The following GTPBP1 variants were observed in gnomAD, a reference collection of about 807,000 sequenced individuals.
GTPBP1 encodes the protein GTP-binding protein 1.
In GTPBP1, 23 loss-of-function variants were observed where a neutral mutation model predicts 62.0. That is an observed-to-expected ratio of 0.37 (90% CI 0.27 to 0.53). GTPBP1 has a LOEUF of 0.53. Among genes scored for constraint, GTPBP1 ranks in the 20% least tolerant of loss-of-function variants. GTPBP1 has a pLI of 0.89. For missense variants in GTPBP1, 640 were observed against 917.3 expected, an observed-to-expected ratio of 0.70 and a Z score of 3.90; for synonymous variants, 344 against 364.4, an observed-to-expected ratio of 0.94 and a Z score of 0.64.
Position 38,722,809 on chromosome 22 carries a change from G to A in GTPBP1, c.958+944G>A, listed in dbSNP as rs1342890157. ...TTTGGCTTGATTGTAGGAGAATCCA[G>A]TGTCCAGTTTGCTGGGCAGACTTCT... On this transcript the variant is annotated intron_variant, in intron 5 of 11. Transcript: ENST00000216044. The A allele has an allele frequency of 9.4e-6, 15 of 1,595,924 alleles. No homozygotes were observed. The East Asian group carries it at 3.1e-4, about 33-fold the overall frequency.
chr22:38,739,517 ACC>A, downstream of GTPBP1: 2 of 1,465,664 alleles, frequency 1.4e-6, no homozygotes, highest in Non-Finnish European at 1.9e-6. The surrounding 1 kb of genome is among the most constrained non-coding windows in gnomAD (Gnocchi z 6.7). Flanking sequence ...CCATGGGCTG[ACC>A]CCTTCTAGGC....
Position 38,727,912 on chromosome 22 carries a change from C to T in GTPBP1, c.1538-71C>T. On this transcript the variant is annotated intron_variant, in intron 9 of 11. Transcript: ENST00000216044. This position sits in a 1 kb window ranked among gnomAD's most constrained non-coding sequence, Gnocchi z 6.5. ...AGCTTAAGCGTATTTCATGCTTTCA[C>T]TCACTGCCTCCCGTTGTCCTGAAGC... 2 of 1,050,944 alleles carry T rather than the reference C, an allele frequency of 1.9e-6. No individual in the cohort carries two copies. Among genetic ancestry groups the T allele is most frequent in the South Asian group, 2.6e-5 (2 of 76,442 alleles). The allele number at this position is 1,050,944 out of a possible 1,614,324, so 65.1% of individuals were successfully genotyped here.
rs762847870 is a variant in GTPBP1 at position 38,717,020 on chromosome 22, A to C, written c.834+20A>C. On this transcript the variant is annotated intron_variant, in intron 4 of 11. Transcript: ENST00000216044. ...CTCATGGTGAGTGGGAGGCGCCCCA[A>C]GGAGGGGAGGCGTCAGCAGGGCTGC... 7 of 1,491,222 alleles carry C rather than the reference A, an allele frequency of 4.7e-6. No individual in the cohort carries two copies. The highest frequency in any genetic ancestry group is 1.4e-5 in the African/African-American group (1 of 72,508). The allele number at this position is 1,491,222 out of a possible 1,614,324, so 92.4% of individuals were successfully genotyped here. A position where few individuals can be genotyped will look rare whatever the true frequency, so the allele number is the denominator to read the frequency against.
intron 6 of GTPBP1, among the ~76,000 whole-genome samples, chr22:38,724,685 T>C (rs1011209619): frequency 6.6e-6 from 1 of 152,190 alleles, no homozygotes; most frequent in Admixed American, 6.5e-5. Context: ...GACTTCAGTG[T>C]CCTTATCTGT....
intron 6 of GTPBP1, chr22:38,725,799 A>C: frequency 1.7e-6 from 1 of 580,064 alleles, no homozygotes; most frequent in Non-Finnish European, 3.1e-6. Context: ...TGAGTGAGAG[A>C]AGAAGGCCTC....
In GTPBP1 at chr22:38,727,914, C is replaced by CAA. The variant is rs1184410782; in HGVS notation, c.1538-68_1538-67insAA. 9.4e-7 allele frequency: 1 copy of CAA among 1,065,968 alleles called. No individual in the cohort carries two copies. Among genetic ancestry groups the CAA allele is most frequent in the Non-Finnish European group, 1.4e-6 (1 of 690,300 alleles). The allele number at this position is 1,065,968 out of a possible 1,614,324, so 66.0% of individuals were successfully genotyped here. A position where few individuals can be genotyped will look rare whatever the true frequency, so the allele number is the denominator to read the frequency against. On this transcript the variant is annotated intron_variant, in intron 9 of 11. Coordinates refer to ENST00000216044, the MANE Select transcript of GTPBP1 (RefSeq NM_004286.5). This position sits in a 1 kb window ranked among gnomAD's most constrained non-coding sequence, Gnocchi z 6.5. Reference sequence around the variant, plus strand: ...CTTAAGCGTATTTCATGCTTTCACTCACTGCCTCCCGTTGTCCTGAAGCCA... The same window carrying CAA: ...CTTAAGCGTATTTCATGCTTTCACTCAAACTGCCTCCCGTTGTCCTGAAGCCA...
At chr22:38,742,400 C>G (rs2092866394), downstream of GTPBP1, 1 of 1,613,370 alleles carries the variant, frequency 6.2e-7, no homozygotes, top group Non-Finnish European at 8.5e-7. Context: ...CCTCGTGGCT[C>G]AGGCCACCAC....
At chr22:38,714,601 G>A (rs1948977467) in intron 2 of GTPBP1, among the ~76,000 whole-genome samples, 1 of 152,012 alleles carries the variant, frequency 6.6e-6, no homozygotes, top group Admixed American at 6.5e-5. Flanking sequence ...GATGACTCTC[G>A]AGATGTTTGA....
chr22:38,731,040 GT>G lies in GTPBP1; in HGVS notation c.*337del. ...TGTGTGTGTGTGTGTGTGTGTGTGT[GT>G]GTGTGTGTGGTGCAGGAGTGCCACC... is the stretch of plus-strand genomic sequence containing the variant. On this transcript the variant is annotated 3_prime_UTR_variant, in exon 12 of 12. Transcript: ENST00000216044. 4.1e-6 allele frequency: 1 copy of G among 245,240 alleles called. No homozygotes were observed. The highest frequency in any genetic ancestry group is 7.9e-6 in the Non-Finnish European group (1 of 126,804). The allele number at this position is 245,240 out of a possible 1,614,324, so 15.2% of individuals were successfully genotyped here.
At position 38,706,117 on chromosome 22, in the gene GTPBP1, C is replaced by A; in HGVS notation, c.162C>A (p.Asn54Lys). The A allele has an allele frequency of 7.7e-7, 1 of 1,303,572 alleles. No homozygotes were observed. Among genetic ancestry groups the A allele is most frequent in the Non-Finnish European group, 9.8e-7 (1 of 1,025,122 alleles). The allele number at this position is 1,303,572 out of a possible 1,614,324, so 80.8% of individuals were successfully genotyped here. Residue 54 changes from asparagine (N) to lysine (K), a missense_variant, in exon 1 of 12, where the codon AAC becomes AAA. This residue lies in a region of GTPBP1 where 215 missense variants were observed against 235.1 expected (regional missense o/e 0.91). Transcript: ENST00000216044. ...GCAGCGAGGACGGCGAGGCGCTCAA[C>A]GGCGAGCCAGAGCTGGACCTCACCA... ...SDCSEDGEAL[N>K]GEPELDLTSK...
intron 5 of GTPBP1, chr22:38,723,392 G>A (rs74867304): frequency 0.022 from 19,709 of 916,220 alleles, 347 homozygotes; most frequent in South Asian, 0.037. Context: ...TGTCAAGCTC[G>A]TTCTTCCAGA....
Position 38,724,323 on chromosome 22 carries a change from C to T in GTPBP1, c.985C>T (p.Leu329=). The change falls in exon 6 of 12, where the codon CTG becomes TTG. Residue 329 remains leucine (L), a synonymous_variant. Coordinates refer to ENST00000216044, the MANE Select transcript of GTPBP1 (RefSeq NM_004286.5). ...QETLKLLQRL[L]KSPGCRKIPV... Reference sequence around the variant, plus strand: ...AACCCTGAAGCTGTTACAGCGCCTGCTGAAGTCACCAGGCTGCCGGAAGAT... The same window carrying T: ...AACCCTGAAGCTGTTACAGCGCCTGTTGAAGTCACCAGGCTGCCGGAAGAT... 2 of 1,611,662 alleles carry T rather than the reference C, an allele frequency of 1.2e-6. No individual in the cohort carries two copies. The highest frequency in any genetic ancestry group is 1.7e-6 in the Non-Finnish European group (2 of 1,177,752).
At chr22:38,738,579 A>C, downstream of GTPBP1, 1 of 1,611,376 alleles carries the variant, frequency 6.2e-7, no homozygotes, top group Non-Finnish European at 8.5e-7. This position sits in a 1 kb window ranked among gnomAD's most constrained non-coding sequence, Gnocchi z 6.6. Flanking sequence ...CACAGGACAG[A>C]TACTCACAAA....
chr22:38,720,808 C>T (rs1027890994), intron 4 of GTPBP1, among the ~76,000 whole-genome samples: 1 of 152,194 alleles, frequency 6.6e-6, no homozygotes, highest in Non-Finnish European at 1.5e-5. Flanking sequence ...TGTGTTGTGA[C>T]ATTTAAACAT....
Position 38,731,780 on chromosome 22 carries a change from C to G in GTPBP1, c.*1076C>G, listed in dbSNP as rs1446131662. On this transcript the variant is annotated 3_prime_UTR_variant, in exon 12 of 12. Transcript: ENST00000216044. ...ACCCCATCTTCCCCACCACGCCACCCCTGTGGCTGCTACAGGAGCACAGTA... is the reference window on the plus strand; with the variant it reads ...ACCCCATCTTCCCCACCACGCCACCGCTGTGGCTGCTACAGGAGCACAGTA... 6.6e-6 allele frequency: 1 copy of G among 152,424 alleles called. No homozygotes were observed. Among genetic ancestry groups the G allele is most frequent in the Non-Finnish European group, 1.5e-5 (1 of 68,182 alleles). The allele number at this position is 152,424 out of a possible 1,614,324, so 9.4% of individuals were successfully genotyped here.
chr22:38,724,180 T>C lies in GTPBP1; in HGVS notation c.959-117T>C. On this transcript the variant is annotated intron_variant, in intron 5 of 11. Transcript: ENST00000216044. ...CAGGCATTGTGGCATTTAACACTGGTCCATCTATCTGTCTGTCTCCTGCTT... is the reference window on the plus strand; with the variant it reads ...CAGGCATTGTGGCATTTAACACTGGCCCATCTATCTGTCTGTCTCCTGCTT... The C allele has an allele frequency of 1.0e-5, 7 of 672,664 alleles. No individual in the cohort carries two copies. The South Asian group carries it at 1.2e-4, about 11-fold the overall frequency. 41.7% of individuals were successfully genotyped at this position (672,664 alleles called of 1,614,324 possible).
At chr22:38,740,441 A>T (rs1288919646), downstream of GTPBP1, 1 of 1,479,502 alleles carries the variant, frequency 6.8e-7, no homozygotes, top group African/African-American at 1.4e-5. This position sits in a 1 kb window ranked among gnomAD's most constrained non-coding sequence, Gnocchi z 4.8. Flanking sequence ...TGCTGGTCCC[A>T]GAGAGAGAAG....
rs1430409567 is a variant in GTPBP1 at position 38,727,021 on chromosome 22, T to C, written c.1402-192T>C. On this transcript the variant is annotated intron_variant, in intron 8 of 11. Transcript: ENST00000216044. The surrounding 1 kb of genome is among the most constrained non-coding windows in gnomAD (Gnocchi z 6.5). ...AAGCCTTCCTGACCCCCAGTAGTAG[T>C]GTTGAGTCTTCCCATGGAGCACTGA... is the stretch of plus-strand genomic sequence containing the variant. Among the ~76,000 whole-genome samples the C allele has an allele frequency of 3.3e-5, 5 of 152,038 alleles. No homozygotes were observed. In the East Asian group the frequency reaches 7.7e-4, roughly 23 times the overall value.
In GTPBP1 at chr22:38,730,696, G is replaced by C; in HGVS notation, c.2002G>C (p.Gly668Arg). 2 of 1,586,992 alleles carry C rather than the reference G, an allele frequency of 1.3e-6. No homozygotes were observed. The highest frequency in any genetic ancestry group is 1.7e-6 in the Non-Finnish European group (2 of 1,167,194). ...SQGACVTPASGC is the reference protein window; with the variant it reads ...SQGACVTPASRC Reference sequence around the variant, plus strand: ...GGGGGCCTGTGTGACTCCTGCCAGCGGCTGCTGAACCTTCCCCTGGCCCAC... The same window carrying C: ...GGGGGCCTGTGTGACTCCTGCCAGCCGCTGCTGAACCTTCCCCTGGCCCAC... The change falls in exon 12 of 12, where the codon GGC becomes CGC. Residue 668 changes from glycine to arginine, a missense_variant. Transcript: ENST00000216044. The surrounding 1 kb of genome is among the most constrained non-coding windows in gnomAD (Gnocchi z 5.6).
Sources: gnomAD v4.1 joint callset for allele counts (sites outside exome capture counted in the v4.1 genomes callset) on GRCh38, gnomAD v4.1.1 for gene constraint, gnomAD v4.1.1 regional missense constraint, Gnocchi (gnomAD v3.1) non-coding constraint, MANE v1.5 for transcripts, NCBI Gene and HGNC (gene_info 2026-07-23, HGNC 2026-07-21) for gene names.